The following NAALADL2 variants were observed in gnomAD, a reference collection of about 807,000 sequenced individuals.
NAALADL2 encodes N-acetylated alpha-linked acidic dipeptidase like 2.
Under a neutral mutation model 87.2 loss-of-function variants are expected in NAALADL2, and 76 were observed. The ratio of observed to expected loss-of-function variants is 0.87; its 90% CI spans 0.72 to 1.05. NAALADL2 has a LOEUF of 1.05. Ranked by LOEUF, NAALADL2 falls within the 50% of genes least tolerant of loss-of-function variation. The pLI, the probability that NAALADL2 is intolerant of heterozygous loss-of-function variation, is 0.00. For synonymous variants in NAALADL2, 354 were observed against 331.0 expected (o/e 1.07, Z -0.75); for missense variants, 1,089 against 945.8 (o/e 1.15, Z -1.99).
chr3:175,480,315 CT>C (rs1726269407), intron 9 of NAALADL2, among the ~76,000 whole-genome samples: 1 of 151,818 alleles, frequency 6.6e-6, no homozygotes, highest in East Asian at 1.9e-4. Context: ...TTTTCTGAGA[CT>C]GTATAACCAC....
intron 8 of NAALADL2, 116 bp from the exon 9 acceptor site, chr3:175,471,523 A>G: frequency 6.2e-6 from 4 of 644,120 alleles, no homozygotes; most frequent in Non-Finnish European, 1.1e-5. Flanking sequence ...GAAGGTAATT[A>G]TGCAATATAA....
intron 1 of NAALADL2, among the ~76,000 whole-genome samples, chr3:174,887,903 A>G (rs1003928063): frequency 6.6e-6 from 1 of 152,136 alleles, no homozygotes; most frequent in Non-Finnish European, 1.5e-5. Flanking sequence ...ATTTTAACAA[A>G]AGTAAGATAG....
intron 2 of NAALADL2, among the ~76,000 whole-genome samples, chr3:174,668,975 G>C (rs1307605031): frequency 6.6e-6 from 1 of 152,156 alleles, no homozygotes; most frequent in Non-Finnish European, 1.5e-5. Context: ...TCTAGTTCTA[G>C]ATCCCTGAGG....
In NAALADL2 at chr3:175,502,609, C is replaced by T. The variant is rs75223664; in HGVS notation, c.1653+30851C>T. Among the ~76,000 whole-genome samples the T allele has an allele frequency of 3.4e-3, 520 of 152,160 alleles. 3 individuals carry two copies. Among genetic ancestry groups the T allele is most frequent in the African/African-American group, 0.012 (503 of 41,524 alleles). On this transcript the variant is annotated intron_variant, in intron 9 of 13. Transcript: ENST00000454872. The stretch of plus-strand genomic sequence containing the variant: ...TGGAACTATATCACTTCTCCTGGGT[C>T]TCCAGGTAGCCCACTGCATATGTTG...
chr3:175,103,745 A>G (rs1285321372), intron 2 of NAALADL2, among the ~76,000 whole-genome samples: 1 of 152,142 alleles, frequency 6.6e-6, no homozygotes, highest in Admixed American at 6.5e-5. Flanking sequence ...AAATTCCATA[A>G]TTTAACCGGG....
At chr3:174,550,886 G>A (rs1370243225) in intron 2 of NAALADL2, 1 of 151,950 alleles carries the variant, frequency 6.6e-6, no homozygotes, top group African/African-American at 2.4e-5. Flanking sequence ...ATGTGATAAA[G>A]TGACTGCTAT....
chr3:175,540,149 T>A (rs1368391923), intron 9 of NAALADL2, among the ~76,000 whole-genome samples: 1 of 152,284 alleles, frequency 6.6e-6, no homozygotes, highest in East Asian at 1.9e-4. Flanking sequence ...GATGATGTAA[T>A]GTCAGTTGAT....
chr3:174,659,023 T>C (rs923960747), intron 2 of NAALADL2, among the ~76,000 whole-genome samples: 1 of 152,214 alleles, frequency 6.6e-6, no homozygotes, highest in Non-Finnish European at 1.5e-5. Context: ...AACTTTAGTG[T>C]ATACAGTTAT....
chr3:175,758,624 C>A (rs999570907), intron 13 of NAALADL2, among the ~76,000 whole-genome samples: 1 of 151,858 alleles, frequency 6.6e-6, no homozygotes, highest in Non-Finnish European at 1.5e-5. Context: ...AGGATTTCCA[C>A]TCTCAATGCT....
chr3:174,868,846 A>G (rs1181681758), intron 1 of NAALADL2, among the ~76,000 whole-genome samples: 1 of 152,086 alleles, frequency 6.6e-6, no homozygotes, highest in Non-Finnish European at 1.5e-5. Flanking sequence ...ACCTTGGGAG[A>G]GAGAGAAATA....
At chr3:175,374,046 C>T (rs561961658) in intron 5 of NAALADL2, among the ~76,000 whole-genome samples, 1 of 152,066 alleles carries the variant, frequency 6.6e-6, no homozygotes, top group South Asian at 2.1e-4. Flanking sequence ...AGATGCAAGC[C>T]ATTTGTCAGA....
chr3:175,388,171 A>T (rs979250835), intron 5 of NAALADL2, among the ~76,000 whole-genome samples: 2 of 152,250 alleles, frequency 1.3e-5, no homozygotes, highest in African/African-American at 4.8e-5. Flanking sequence ...TGTATGATGA[A>T]GACATTGAGA....
At chr3:175,133,031 C>A (rs1728413823) in intron 2 of NAALADL2, among the ~76,000 whole-genome samples, 1 of 151,178 alleles carries the variant, frequency 6.6e-6, no homozygotes, top group Non-Finnish European at 1.5e-5. Flanking sequence ...TAGAGGCACT[C>A]CCCACATCCC....
chr3:175,391,525 T>A (rs1769068116), intron 5 of NAALADL2, among the ~76,000 whole-genome samples: 1 of 152,136 alleles, frequency 6.6e-6, no homozygotes, highest in South Asian at 2.1e-4. Context: ...GTGGGGGAAG[T>A]AAGGCCGTCA....
At chr3:175,534,756 A>G (rs1281912611) in intron 9 of NAALADL2, among the ~76,000 whole-genome samples, 1 of 152,020 alleles carries the variant, frequency 6.6e-6, no homozygotes, top group Non-Finnish European at 1.5e-5. Flanking sequence ...TGCTCCTGGT[A>G]AAAGAATGAT....
At chr3:174,994,781 T>G (rs1266911265) in intron 1 of NAALADL2, among the ~76,000 whole-genome samples, 2 of 152,164 alleles carry the variant, frequency 1.3e-5, no homozygotes, top group African/African-American at 4.8e-5. Context: ...AATTTTTAAT[T>G]TAGAGGTAGA....
intron 11 of NAALADL2, among the ~76,000 whole-genome samples, chr3:175,643,914 T>C (rs940876056): frequency 6.6e-6 from 1 of 152,198 alleles, no homozygotes; most frequent in Non-Finnish European, 1.5e-5. Context: ...TGTAATCATA[T>C]GTGTGGCAAT....
At chr3:174,936,947 G>A (rs9852159) in intron 1 of NAALADL2, among the ~76,000 whole-genome samples, 28,334 of 151,976 alleles carry the variant, frequency 0.19, 3,306 homozygotes, top group East Asian at 0.46. Flanking sequence ...AAGCCAAAAT[G>A]GATCAAATTG....
At chr3:174,873,794 A>G (rs958964988) in intron 1 of NAALADL2, among the ~76,000 whole-genome samples, 13 of 151,640 alleles carry the variant, frequency 8.6e-5, no homozygotes, top group South Asian at 2.1e-4. Flanking sequence ...ATAGCTTTTC[A>G]TTATAATATT....
Sources: allele counts gnomAD v4.1 joint callset (sites outside exome capture counted in the v4.1 genomes callset), GRCh38; gene constraint gnomAD v4.1.1; transcripts MANE v1.5; gene names NCBI Gene and HGNC (gene_info 2026-07-23, HGNC 2026-07-21).